The following SLC2A3 variants were observed in gnomAD, a reference collection of about 807,000 sequenced individuals.
SLC2A3 encodes solute carrier family 2, facilitated glucose transporter member 3.
In SLC2A3, 21 loss-of-function variants were observed where a neutral mutation model predicts 46.4. The ratio of observed to expected loss-of-function variants is 0.45; its 90% CI spans 0.32 to 0.65. The LOEUF is 0.65. SLC2A3 is among the 30% of genes least tolerant of loss of function. SLC2A3 has a pLI of 0.04. For missense variants in SLC2A3, 499 were observed against 623.3 expected (o/e 0.80, Z 2.12); for synonymous variants, 213 against 239.4 (o/e 0.89, Z 1.02).
chr12:7,930,756 C>A, intron 4 of SLC2A3, 114 bp from the exon 5 acceptor site: 79 of 860,440 alleles, frequency 9.2e-5, no homozygotes, highest in Middle Eastern at 2.9e-4. Context: ...AAAAAATAAA[C>A]AAATTGTGTT....
chr12:7,927,484 CTAAA>C (rs1946107576), intron 6 of SLC2A3, among the ~76,000 whole-genome samples: 1 of 152,074 alleles, frequency 6.6e-6, no homozygotes, highest in Non-Finnish European at 1.5e-5. Flanking sequence ...ATCATCTCAC[CTAAA>C]TAGTTTACTC....
chr12:7,932,752 T>C (rs1050312130), intron 3 of SLC2A3: 2 of 517,978 alleles, frequency 3.9e-6, no homozygotes, highest in Non-Finnish European at 6.8e-6. Context: ...CTAGCTGGAC[T>C]GCAAAGGCCA....
At chr12:7,929,943 G>T in intron 5 of SLC2A3, 72 bp from the exon 6 acceptor site, 2 of 1,605,180 alleles carry the variant, frequency 1.2e-6, no homozygotes, top group Non-Finnish European at 1.7e-6. Context: ...CTGTAAGGCA[G>T]CCAGGAAAGG....
In SLC2A3 at chr12:7,922,959, T is replaced by C. The variant is rs746090018; in HGVS notation, c.1134A>G (p.Glu378=). The C allele has an allele frequency of 3.7e-6, 6 of 1,614,024 alleles. No individual in the cohort carries two copies. Among genetic ancestry groups the C allele is most frequent in the Non-Finnish European group, 4.2e-6 (5 of 1,180,000 alleles). ...GAILVFVAFF[E]IGPGPIPWFI... is the part of the protein sequence containing the mutation. ...ACCAGGGAATGGGGCCTGGTCCAAT[T>C]TCAAAGAAGGCTACAAAGACCAAGA... The change falls in exon 9 of 10, where the codon GAA becomes GAG. Residue 378 remains glutamate, a synonymous_variant. Coordinates refer to ENST00000075120, the MANE Select transcript of SLC2A3 (RefSeq NM_006931.3).
chr12:7,934,575 G>A (rs773572884), intron 1 of SLC2A3, among the ~76,000 whole-genome samples: 1 of 152,116 alleles, frequency 6.6e-6, no homozygotes, highest in Non-Finnish European at 1.5e-5. Context: ...TCTTAGTGGG[G>A]AGAACCGGTC....
In SLC2A3 at chr12:7,930,658, A is replaced by G. The variant is rs1433654950; in HGVS notation, c.511-16T>C. The G allele has an allele frequency of 6.2e-7, 1 of 1,610,192 alleles. No individual in the cohort carries two copies. The highest frequency in any genetic ancestry group is 2.2e-5 in the East Asian group (1 of 44,874). ...GACCAAAGATCTAGAAACCACACAA[A>G]GATAATGCTATAAACCCCATACTTC... On this transcript the variant is annotated splice_polypyrimidine_tract_variant and intron_variant, in intron 4 of 9. Transcript: ENST00000075120.
intron 7 of SLC2A3, 95 bp from the exon 8 acceptor site, chr12:7,924,606 T>C: frequency 8.6e-7 from 1 of 1,165,748 alleles, no homozygotes; most frequent in Non-Finnish European, 1.2e-6. Flanking sequence ...GCAGGACACT[T>C]GTTATGGATA....
chr12:7,934,356 G>GGTA (rs1003224178), intron 1 of SLC2A3, among the ~76,000 whole-genome samples: 50 of 152,094 alleles, frequency 3.3e-4, no homozygotes, highest in Non-Finnish European at 6.2e-4. Flanking sequence ...TGGAGGGGGT[G>GGTA]GTAGTTTGTG....
intron 2 of SLC2A3, 89 bp from the exon 3 acceptor site, chr12:7,933,236 G>C: frequency 7.3e-7 from 1 of 1,369,368 alleles, no homozygotes; most frequent in Non-Finnish European, 1.0e-6. Flanking sequence ...CCTTCCTAGA[G>C]AATCAAGGGA....
At chr12:7,927,563 T>C (rs368143295) in intron 6 of SLC2A3, among the ~76,000 whole-genome samples, 3,661 of 152,174 alleles carry the variant, frequency 0.024, 145 homozygotes, top group African/African-American at 0.082. Flanking sequence ...TTAGAAATCA[T>C]CATTTGTGCA....
rs1946209846 is a variant in SLC2A3 at position 7,936,073 on chromosome 12, G to A, written c.-39C>T. The A allele has an allele frequency of 6.3e-7, 1 of 1,585,872 alleles. No individual in the cohort carries two copies. Among genetic ancestry groups the A allele is most frequent in the Non-Finnish European group, 8.7e-7 (1 of 1,154,558 alleles). On this transcript the variant is annotated 5_prime_UTR_variant, in exon 1 of 10. Coordinates refer to ENST00000075120, the MANE Select transcript of SLC2A3 (RefSeq NM_006931.3). The stretch of plus-strand genomic sequence containing the variant: ...TTCAAGTCTTCAAGAAAGATCTAGG[G>A]GTGATTCCAGAAACAGCTTTTTCAG...
intron 6 of SLC2A3, among the ~76,000 whole-genome samples, chr12:7,926,338 G>A (rs1341653061): frequency 2.0e-5 from 3 of 152,090 alleles, no homozygotes; most frequent in South Asian, 2.1e-4. Flanking sequence ...TGACCTGCTC[G>A]CCTTGGCCTC....
Position 7,921,147 on chromosome 12 carries a change from T to C in SLC2A3, c.*266A>G. On this transcript the variant is annotated 3_prime_UTR_variant, in exon 10 of 10. Coordinates refer to ENST00000075120, the MANE Select transcript of SLC2A3 (RefSeq NM_006931.3). Reference sequence around the variant, plus strand: ...GGAGGAAAAGCTGGCAAAGTTGTCATGTGCCAAGCGGCCAATCCCTCCTGA... The same window carrying C: ...GGAGGAAAAGCTGGCAAAGTTGTCACGTGCCAAGCGGCCAATCCCTCCTGA... 2.8e-6 allele frequency: 2 copies of C among 722,228 alleles called. No homozygotes were observed. Among genetic ancestry groups the C allele is most frequent in the East Asian group, 6.5e-5 (2 of 30,860 alleles). 44.7% of individuals were successfully genotyped at this position (722,228 alleles called of 1,614,324 possible).
chr12:7,934,364 G>C (rs1946191436), intron 1 of SLC2A3, among the ~76,000 whole-genome samples: 1 of 152,040 alleles, frequency 6.6e-6, no homozygotes, highest in Admixed American at 6.6e-5. Context: ...GTGGTAGTTT[G>C]TGTCTTCACT....
At chr12:7,930,925 T>G (rs772030406) in intron 4 of SLC2A3, among the ~76,000 whole-genome samples, 2 of 150,350 alleles carry the variant, frequency 1.3e-5, no homozygotes, top group Admixed American at 6.7e-5. Flanking sequence ...GCCTCCGGAG[T>G]AGCTGGGACT....
chr12:7,936,184 C>T lies in SLC2A3; in HGVS notation c.-150G>A. ...ATCCAAAGTCTTACCATTACAGCAT[C>T]TCTGGGTCTCGCTGGGATCATGACT... On this transcript the variant is annotated 5_prime_UTR_variant, in exon 1 of 10. Coordinates refer to ENST00000075120, the MANE Select transcript of SLC2A3 (RefSeq NM_006931.3). 1.4e-6 allele frequency: 1 copy of T among 722,124 alleles called. No individual in the cohort carries two copies. Among genetic ancestry groups the T allele is most frequent in the Non-Finnish European group, 2.5e-6 (1 of 399,742 alleles). The allele number at this position is 722,124 out of a possible 1,614,324, so 44.7% of individuals were successfully genotyped here. A position where few individuals can be genotyped will look rare whatever the true frequency, so the allele number is the denominator to read the frequency against.
intron 8 of SLC2A3, among the ~76,000 whole-genome samples, chr12:7,923,837 C>CG (rs1307851994): frequency 2.0e-5 from 3 of 148,718 alleles, no homozygotes; most frequent in Non-Finnish European, 3.0e-5. Flanking sequence ...GGCACCATCT[C>CG]AACTTACCAC....
chr12:7,930,546 G>A lies in SLC2A3; in HGVS notation c.607C>T (p.Pro203Ser). Reference sequence around the variant, plus strand: ...AATCTGGGACTTTCAGGGCAAAATGGAAGGGCTGCACTTTGTAGGATAGCA... The same window carrying A: ...AATCTGGGACTTTCAGGGCAAAATGAAAGGGCTGCACTTTGTAGGATAGCA... Reference protein sequence around the residue: ...LPAILQSAALPFCPESPRFLL... With the variant: ...LPAILQSAALSFCPESPRFLL... Residue 203 changes from proline to serine, a missense_variant, in exon 5 of 10, where the codon CCA (proline) becomes TCA (serine). This residue lies in a region of SLC2A3 where 248 missense variants were observed against 284.0 expected (regional missense o/e 0.87). Coordinates refer to ENST00000075120, the MANE Select transcript of SLC2A3 (RefSeq NM_006931.3). 2 of 1,613,920 alleles carry A rather than the reference G, an allele frequency of 1.2e-6. No individual in the cohort carries two copies. The highest frequency in any genetic ancestry group is 1.7e-6 in the Non-Finnish European group (2 of 1,179,922).
chr12:7,927,158 A>G (rs1946104426), intron 6 of SLC2A3, among the ~76,000 whole-genome samples: 1 of 152,134 alleles, frequency 6.6e-6, no homozygotes, highest in African/African-American at 2.4e-5. Context: ...CATATTTTCT[A>G]AAATAAGATA....
Sources: gnomAD v4.1 joint callset for allele counts (sites outside exome capture counted in the v4.1 genomes callset) on GRCh38, gnomAD v4.1.1 for gene constraint, gnomAD v4.1.1 regional missense constraint, MANE v1.5 for transcripts, NCBI Gene and HGNC (gene_info 2026-07-23, HGNC 2026-07-21) for gene names.